The following ANKFN1 variants were observed in gnomAD, a reference collection of about 807,000 sequenced individuals.
ANKFN1 encodes ankyrin repeat and fibronectin type-III domain-containing protein 1.
Under a neutral mutation model 108.7 loss-of-function variants are expected in ANKFN1, and 74 were observed. The observed-to-expected ratio is 0.68, with a 90% CI of 0.56 to 0.83. The LOEUF (loss-of-function observed/expected upper bound fraction) is 0.83. Ranked by LOEUF, ANKFN1 falls within the 40% of genes least tolerant of loss-of-function variation. The pLI is 0.00. For missense variants in ANKFN1, 1,505 were observed against 1,382.3 expected (o/e 1.09, Z -1.41); for synonymous variants, 547 against 516.2 (o/e 1.06, Z -0.81).
At chr17:56,256,053 G>A (rs1417463088) in intron 3 of ANKFN1, among the ~76,000 whole-genome samples, 1 of 151,720 alleles carries the variant, frequency 6.6e-6, no homozygotes, top group Non-Finnish European at 1.5e-5. Flanking sequence ...TAGTAATTTT[G>A]CCTGAAGAAA....
chr17:56,161,333 G>A (rs925459102), intron 1 of ANKFN1, among the ~76,000 whole-genome samples: 4 of 152,200 alleles, frequency 2.6e-5, no homozygotes, highest in Admixed American at 6.5e-5. Context: ...TTTACTAATT[G>A]AGAAATGTAC....
intron 18 of ANKFN1, among the ~76,000 whole-genome samples, chr17:56,484,834 T>C (rs1036680241): frequency 2.2e-4 from 34 of 152,154 alleles, no homozygotes; most frequent in African/African-American, 8.0e-4. Flanking sequence ...CAGGCAAAAA[T>C]ACATGAAATT....
chr17:56,220,046 T>TCC (rs1915726728), intron 2 of ANKFN1, among the ~76,000 whole-genome samples: 1 of 152,230 alleles, frequency 6.6e-6, no homozygotes, highest in African/African-American at 2.4e-5. Flanking sequence ...CTTAGTATGC[T>TCC]GGTAAACTTA....
chr17:56,377,322 T>G (rs954791814), intron 8 of ANKFN1, among the ~76,000 whole-genome samples: 1 of 152,222 alleles, frequency 6.6e-6, no homozygotes, highest in Non-Finnish European at 1.5e-5. Flanking sequence ...TTTAAGAGCA[T>G]CACTTTTTAA....
chr17:56,341,195 G>T lies in ANKFN1; in HGVS notation c.189-9571G>T, dbSNP rs529185032. On this transcript the variant is annotated intron_variant, in intron 4 of 20. Coordinates refer to ENST00000682825, the MANE Select transcript of ANKFN1 (RefSeq NM_001370326.1). ...CTAAAGTTGTTTATCAGTTTAAGAA[G>T]ATTTGGGGCTGAGACTGTGGGATTT... is the stretch of plus-strand genomic sequence containing the variant. 2.0e-5 allele frequency among the ~76,000 whole-genome samples: 3 copies of T among 152,190 alleles called. No homozygotes were observed. The South Asian group carries it at 6.2e-4, about 32-fold the overall frequency.
chr17:56,152,245 AATATATAT>A (rs68089845), upstream of ANKFN1, among the ~76,000 whole-genome samples: 32 of 133,808 alleles, frequency 2.4e-4, no homozygotes, highest in African/African-American at 8.1e-4. Flanking sequence ...CTTGCAGGGA[AATATATAT>A]ATATATATAT....
At position 56,395,411 on chromosome 17, in the gene ANKFN1, G is replaced by C. The variant is rs372118090; in HGVS notation, c.910+20697G>C. ...ACCCAACTAGCAGCCCAAGGGCAAG[G>C]GGCCCTGGGTGATGCAGTCCATAGG... On this transcript the variant is annotated intron_variant, in intron 8 of 20. Coordinates refer to ENST00000682825, the MANE Select transcript of ANKFN1 (RefSeq NM_001370326.1). Among the ~76,000 whole-genome samples the C allele has an allele frequency of 1.4e-4, 22 of 152,288 alleles. 9 individuals are homozygous for C. Among genetic ancestry groups the C allele is most frequent in the East Asian group, 1.9e-4 (1 of 5,182 alleles).
Position 56,353,883 on chromosome 17 carries a change from C to T in ANKFN1, c.438C>T (p.Asp146=). 2.5e-6 allele frequency: 4 copies of T among 1,614,010 alleles called. No individual in the cohort carries two copies. The highest frequency in any genetic ancestry group is 1.1e-5 in the South Asian group (1 of 91,082). The part of the protein sequence containing the change: ...EAMFEAVEQQ[D]MDAVQILLYQ... ...TGTTTGAGGCAGTCGAACAGCAGGA[C>T]ATGGATGCTGTGCAGATCCTCCTGT... is the stretch of plus-strand genomic sequence containing the variant. The change falls in exon 6 of 21, where the codon GAC becomes GAT. Residue 146 remains aspartate (D), a synonymous_variant. Coordinates refer to ENST00000682825, the MANE Select transcript of ANKFN1 (RefSeq NM_001370326.1).
intron 20 of ANKFN1, among the ~76,000 whole-genome samples, chr17:56,509,948 G>C (rs2051691042): frequency 6.6e-6 from 1 of 152,180 alleles, no homozygotes; most frequent in Non-Finnish European, 1.5e-5. Flanking sequence ...TAATGAGCAA[G>C]GTAGTCCTTC....
In ANKFN1 at chr17:56,510,584, T is replaced by C. The variant is rs554648597; in HGVS notation, c.2756T>C (p.Leu919Pro). Residue 919 changes from leucine to proline, a missense_variant, in exon 21 of 21, where the codon CTA becomes CCA. Coordinates refer to ENST00000682825, the MANE Select transcript of ANKFN1 (RefSeq NM_001370326.1). Reference sequence around the variant, plus strand: ...CCCAGAGACCTGGACCTGGTCTACCTATCATCTCACGACATTGCGCAGCAG... The same window carrying C: ...CCCAGAGACCTGGACCTGGTCTACCCATCATCTCACGACATTGCGCAGCAG... ...LSPRDLDLVYLSSHDIAQQTL... is the reference protein window; with the variant it reads ...LSPRDLDLVYPSSHDIAQQTL... 452 of 1,536,156 alleles carry C rather than the reference T, an allele frequency of 2.9e-4. 7 individuals are homozygous for C. The East Asian group carries it at 0.011, about 36-fold the overall frequency.
chr17:56,423,635 C>G (rs1406930034), intron 8 of ANKFN1, among the ~76,000 whole-genome samples: 1 of 152,110 alleles, frequency 6.6e-6, no homozygotes, highest in Non-Finnish European at 1.5e-5. Context: ...CTCTCAATCT[C>G]TCTCCCTGGA....
chr17:56,432,509 C>G (rs906781246), intron 8 of ANKFN1, among the ~76,000 whole-genome samples: 1 of 152,186 alleles, frequency 6.6e-6, no homozygotes, highest in Non-Finnish European at 1.5e-5. Flanking sequence ...GAGTAGCGCC[C>G]TGGTATGGCC....
At chr17:56,330,610 A>T (rs1235906580) in intron 4 of ANKFN1, among the ~76,000 whole-genome samples, 2 of 152,144 alleles carry the variant, frequency 1.3e-5, no homozygotes, top group African/African-American at 4.8e-5. Flanking sequence ...TAACCAGCTC[A>T]TTTCAATTTG....
In ANKFN1 at chr17:56,326,306, G is replaced by A. The variant is rs769434354; in HGVS notation, c.139G>A (p.Gly47Arg). ...SQCDLLNEST[G>R]QLPTTCSSAA... ...ATGTGATTTATTGAATGAAAGCACTGGACAATTACCAACAACTTGTTCCTC... is the reference window on the plus strand; with the variant it reads ...ATGTGATTTATTGAATGAAAGCACTAGACAATTACCAACAACTTGTTCCTC... Residue 47 changes from glycine to arginine, a missense_variant, in exon 4 of 21, where the codon GGA (glycine) becomes AGA (arginine). Coordinates refer to ENST00000682825, the MANE Select transcript of ANKFN1 (RefSeq NM_001370326.1). 1.2e-6 allele frequency: 2 copies of A among 1,613,842 alleles called. No homozygotes were observed. Among genetic ancestry groups the A allele is most frequent in the East Asian group, 2.2e-5 (1 of 44,884 alleles).
chr17:56,251,005 G>A (rs1199811592), intron 3 of ANKFN1, among the ~76,000 whole-genome samples: 1 of 152,048 alleles, frequency 6.6e-6, no homozygotes, highest in Non-Finnish European at 1.5e-5. Context: ...ATTGTATTTA[G>A]TCAGTATTTC....
At chr17:56,404,010 G>A (rs573475522) in intron 8 of ANKFN1, among the ~76,000 whole-genome samples, 4 of 152,266 alleles carry the variant, frequency 2.6e-5, no homozygotes, top group African/African-American at 9.6e-5. Context: ...CTTCTGGCTT[G>A]TAGGGGTCCT....
At chr17:56,259,007 T>G (rs186736598) in intron 3 of ANKFN1, among the ~76,000 whole-genome samples, 1 of 152,192 alleles carries the variant, frequency 6.6e-6, no homozygotes, top group Non-Finnish European at 1.5e-5. Flanking sequence ...GTATTAGAGA[T>G]ATAAAGTGTC....
intron 3 of ANKFN1, among the ~76,000 whole-genome samples, chr17:56,308,290 A>G (rs979402291): frequency 4.6e-5 from 7 of 152,168 alleles, no homozygotes; most frequent in African/African-American, 1.7e-4. Flanking sequence ...AGTGCAAAAA[A>G]AAGATTTTAA....
At chr17:56,140,287 T>C (rs1907841983) in intron 4 of ANKFN1, among the ~76,000 whole-genome samples, 1 of 152,242 alleles carries the variant, frequency 6.6e-6, no homozygotes, top group Non-Finnish European at 1.5e-5. Flanking sequence ...TAGATTCTTT[T>C]GAATTTGTCC....
Sources: allele counts gnomAD v4.1 joint callset (sites outside exome capture counted in the v4.1 genomes callset), GRCh38; gene constraint gnomAD v4.1.1; transcripts MANE v1.5; gene names NCBI Gene and HGNC (gene_info 2026-07-23, HGNC 2026-07-21).